Variants in STX3 observed in about 807,000 individuals in gnomAD.
STX3 encodes the protein syntaxin 3.
Under a neutral mutation model 40.2 loss-of-function variants are expected in STX3, and 19 were observed. The ratio of observed to expected loss-of-function variants is 0.47; its 90% confidence interval spans 0.33 to 0.69. The LOEUF is 0.69. Ranked by LOEUF, STX3 falls within the 30% of genes least tolerant of loss-of-function variation. The pLI, the probability that STX3 is intolerant of heterozygous loss-of-function variation, is 0.02. For missense variants in STX3, 364 were observed against 366.7 expected (o/e 0.99, Z 0.06); for synonymous variants, 122 against 132.2 (o/e 0.92, Z 0.53).
At chr11:59,762,702 A>G (rs1863097705) in intron 1 of STX3, among the ~76,000 whole-genome samples, 1 of 148,684 alleles carries the variant, frequency 6.7e-6, no homozygotes, top group Admixed American at 6.7e-5. Context: ...AGGACAGGAG[A>G]CAGGGGAAGG....
rs1865911237 is a variant in STX3, at chr11:59,802,212, G to A, written c.*1388G>A. Reference sequence around the variant, plus strand: ...GGTTAATGAGCTTGGCAGGTTCTTTGTCTCACTGAATTCTTATCATGGAAA... The same window carrying A: ...GGTTAATGAGCTTGGCAGGTTCTTTATCTCACTGAATTCTTATCATGGAAA... On this transcript the variant is annotated 3_prime_UTR_variant, in exon 11 of 11. Coordinates refer to ENST00000337979, the MANE Select transcript of STX3 (RefSeq NM_004177.5). The A allele has an allele frequency of 1.0e-6, 1 of 985,304 alleles. No individual in the cohort carries two copies. 61.0% of individuals were successfully genotyped at this position (985,304 alleles called of 1,614,324 possible).
At chr11:59,782,838 CAAAA>C (rs567313662) in intron 2 of STX3, among the ~76,000 whole-genome samples, 21 of 105,124 alleles carry the variant, frequency 2.0e-4, no homozygotes, top group Non-Finnish European at 2.1e-5. Context: ...ACTAAAAATA[CAAAA>C]AAAAAAAAAA....
intron 1 of STX3, among the ~76,000 whole-genome samples, chr11:59,768,256 T>C (rs917222414): frequency 2.0e-5 from 3 of 152,184 alleles, no homozygotes; most frequent in South Asian, 2.1e-4. Context: ...TCAGTTGATA[T>C]CAACTTCAAC....
At chr11:59,798,190 G>C (rs1436552549) in intron 10 of STX3, among the ~76,000 whole-genome samples, 1 of 151,630 alleles carries the variant, frequency 6.6e-6, no homozygotes, top group Non-Finnish European at 1.5e-5. Flanking sequence ...AAAAGTGATA[G>C]ACTTACCACT....
chr11:59,800,834 C>T, intron 10 of STX3, 21 bp from the exon 11 acceptor site: 8 of 1,536,416 alleles, frequency 5.2e-6, no homozygotes, highest in African/African-American at 1.4e-5. Flanking sequence ...CTGATCAGCT[C>T]CTCCTTTCCC....
chr11:59,765,415 G>GTAACCT (rs1863233596), intron 1 of STX3, among the ~76,000 whole-genome samples: 1 of 152,174 alleles, frequency 6.6e-6, no homozygotes, highest in Non-Finnish European at 1.5e-5. Flanking sequence ...GTGTGTCTGT[G>GTAACCT]TAACCTTTGT....
intron 5 of STX3, among the ~76,000 whole-genome samples, chr11:59,791,680 A>T (rs780537104): frequency 6.6e-6 from 1 of 152,206 alleles, no homozygotes; most frequent in Non-Finnish European, 1.5e-5. Context: ...GAGATAATGC[A>T]TCTACTTATA....
chr11:59,771,393 T>TTC (rs1863621892), intron 1 of STX3, among the ~76,000 whole-genome samples: 16 of 60,418 alleles, frequency 2.6e-4, no homozygotes, highest in African/African-American at 5.3e-4. Flanking sequence ...TTGCCCCCCG[T>TTC]CCCCCCACCT....
chr11:59,757,961 G>A (rs751741863), intron 1 of STX3, among the ~76,000 whole-genome samples: 7 of 152,134 alleles, frequency 4.6e-5, no homozygotes, highest in African/African-American at 7.2e-5. Flanking sequence ...TCTGATTTCC[G>A]TTATCAATTA....
At chr11:59,755,754 G>C in intron 1 of STX3, 119 bp downstream of exon 1, 1 of 1,334,668 alleles carries the variant, frequency 7.5e-7, no homozygotes, top group Non-Finnish European at 9.8e-7. Context: ...CCCTCCCCAA[G>C]CCCCCACCGC....
rs1865946509 is a variant in STX3 at position 59,802,905 on chromosome 11, TC to T, written c.*2087del. On this transcript the variant is annotated 3_prime_UTR_variant, in exon 11 of 11. Transcript: ENST00000337979. The stretch of plus-strand genomic sequence containing the variant: ...TGTTTGTGTTTCAGATTTGAGGTGT[TC>T]CCCCCAAAAGAATTTGGTTCAGTCC... 1.0e-6 allele frequency: 1 copy of T among 985,370 alleles called. No individual in the cohort carries two copies. The allele number at this position is 985,370 out of a possible 1,614,324, so 61.0% of individuals were successfully genotyped here.
In STX3 at chr11:59,788,952, G is replaced by T. The variant is rs755942089; in HGVS notation, c.289+5G>T. 1.2e-6 allele frequency: 2 copies of T among 1,606,648 alleles called. No homozygotes were observed. Among genetic ancestry groups the T allele is most frequent in the Non-Finnish European group, 1.7e-6 (2 of 1,176,116 alleles). ...ACGTCCGGAACAAACTGAAGAGTAA[G>T]AAGGGAACAAAGAAAACAAGGCCGT... On this transcript the variant is annotated splice_donor_5th_base_variant and intron_variant, in intron 4 of 10. Coordinates refer to ENST00000337979, the MANE Select transcript of STX3 (RefSeq NM_004177.5).
intron 1 of STX3, among the ~76,000 whole-genome samples, chr11:59,770,535 C>T (rs897228830): frequency 6.6e-6 from 1 of 151,996 alleles, no homozygotes; most frequent in African/African-American, 2.4e-5. Context: ...GACCGGGTCA[C>T]AGTGAACCTC....
chr11:59,792,954 A>C (rs755643845), intron 6 of STX3, 145 bp from the exon 7 acceptor site: 2 of 722,360 alleles, frequency 2.8e-6, no homozygotes, highest in Non-Finnish European at 4.7e-6. Flanking sequence ...TAGGGCAGAA[A>C]TAAGATGAGT....
chr11:59,795,973 G>A (rs1188955148), intron 9 of STX3, among the ~76,000 whole-genome samples: 4 of 152,168 alleles, frequency 2.6e-5, no homozygotes, highest in African/African-American at 9.7e-5. Context: ...GGCCCAGGTG[G>A]TGCTGCTAAT....
rs763960450 is a variant in STX3 at position 59,804,245 on chromosome 11, G to C, written c.*3421G>C. On this transcript the variant is annotated 3_prime_UTR_variant, in exon 11 of 11. Coordinates refer to ENST00000337979, the MANE Select transcript of STX3 (RefSeq NM_004177.5). ...AAGTCAGGGCACTTCTGCTCTTCAG[G>C]CTCCTCTAGGTCACACCTTTGACCA... The C allele has an allele frequency of 5.9e-5, 9 of 152,170 alleles. No individual in the cohort carries two copies. Among genetic ancestry groups the C allele is most frequent in the African/African-American group, 9.7e-5 (4 of 41,406 alleles). The allele number at this position is 152,170 out of a possible 1,614,324, so 9.4% of individuals were successfully genotyped here.
rs1301219369 is a variant in STX3, at chr11:59,755,448, C to T, written c.-158C>T. 4 of 800,970 alleles carry T rather than the reference C, an allele frequency of 5.0e-6. No homozygotes were observed. The highest frequency in any genetic ancestry group is 3.5e-6 in the Non-Finnish European group (2 of 565,796). 49.6% of individuals were successfully genotyped at this position (800,970 alleles called of 1,614,324 possible). A position where few individuals can be genotyped will look rare whatever the true frequency, so the allele number is the denominator to read the frequency against. The stretch of plus-strand genomic sequence containing the variant: ...GGAGGCTCCCGTGGCCTCGGACGCT[C>T]CTCCTAGCTAGCGGCCGCCGCCCGC... On this transcript the variant is annotated 5_prime_UTR_variant, in exon 1 of 11. Transcript: ENST00000337979.
rs554048575 is a variant in STX3, at chr11:59,758,630, C to T, written c.30+2995C>T. ...TGGTCTCATCTCATCTCTTCTCTTGCACTGCTCTTCCTGGTGGGCTCCCTC... is the reference window on the plus strand; with the variant it reads ...TGGTCTCATCTCATCTCTTCTCTTGTACTGCTCTTCCTGGTGGGCTCCCTC... On this transcript the variant is annotated intron_variant, in intron 1 of 10. Transcript: ENST00000337979. Among the ~76,000 whole-genome samples, 7 of 152,366 alleles carry T rather than the reference C, an allele frequency of 4.6e-5. No individual in the cohort carries two copies. In the East Asian group the frequency reaches 1.4e-3, roughly 29 times the overall value.
At position 59,773,234 on chromosome 11, in the gene STX3, T is replaced by C. The variant is rs370174495; in HGVS notation, c.54T>C (p.Asp18=). The C allele has an allele frequency of 1.9e-6, 3 of 1,614,092 alleles. No homozygotes were observed. The highest frequency in any genetic ancestry group is 1.3e-5 in the African/African-American group (1 of 74,948). The part of the protein sequence containing the change: ...LKAKQLTQDD[D]TDAVEIAIDN... ...AGAAGCAGCTGACACAGGATGATGA[T>C]ACTGATGCGGTTGAGATTGCTATCG... The change falls in exon 2 of 11, where the codon GAT becomes GAC. Residue 18 remains aspartate (D), a synonymous_variant. Transcript: ENST00000337979.
Sources: allele counts gnomAD v4.1 joint callset (sites outside exome capture counted in the v4.1 genomes callset), GRCh38; gene constraint gnomAD v4.1.1; transcripts MANE v1.5; gene names NCBI Gene and HGNC (gene_info 2026-07-23, HGNC 2026-07-21).